SLC11A1: variants seen among roughly 807,000 people sequenced by gnomAD.
The protein encoded by SLC11A1 is natural resistance-associated macrophage protein 1.
Under a neutral mutation model 63.2 loss-of-function variants are expected in SLC11A1, and 59 were observed. That is an observed-to-expected ratio of 0.93 (90% CI 0.76 to 1.16). The LOEUF (loss-of-function observed/expected upper bound fraction) is 1.16. Among genes scored for constraint, SLC11A1 ranks in the 50% most tolerant of loss-of-function variants. The probability of loss-of-function intolerance (pLI) is 0.00; values close to 1 mark genes in which losing one functional copy is unlikely to be tolerated. For synonymous variants in SLC11A1, 305 were observed against 307.8 expected, an observed-to-expected ratio of 0.99 and a Z score of 0.09; for missense variants, 688 against 730.7, an observed-to-expected ratio of 0.94 and a Z score of 0.67.
chr2:218,386,667 G>C lies in SLC11A1; in HGVS notation c.426G>C (p.Glu142Asp). 6.2e-7 allele frequency: 1 copy of C among 1,614,036 alleles called. No homozygotes were observed. The highest frequency in any genetic ancestry group is 8.5e-7 in the Non-Finnish European group (1 of 1,179,998). ...GCACCGTCCTCTGGCTGACCATCGA[G>C]CTAGCCATTGTGGGCTCCGACATGC... ...VPRTVLWLTIELAIVGSDMQE... is the reference protein window; with the variant it reads ...VPRTVLWLTIDLAIVGSDMQE... The change falls in exon 5 of 15, where the codon GAG becomes GAC. Residue 142 changes from glutamate to aspartate, a missense_variant. By Grantham distance (45) the Glu-to-Asp change is conservative (BLOSUM62 2). Coordinates refer to ENST00000233202, the MANE Select transcript of SLC11A1 (RefSeq NM_000578.4).
At chr2:218,389,821 G>C in intron 8 of SLC11A1, 49 bp from the exon 9 acceptor site, 2 of 1,564,074 alleles carry the variant, frequency 1.3e-6, no homozygotes, top group Non-Finnish European at 1.7e-6. Context: ...GGGACACTGT[G>C]GTGGCTCTGA....
At chr2:218,387,093 C>T in intron 5 of SLC11A1, 67 bp from the exon 6 acceptor site, 1 of 1,454,476 alleles carries the variant, frequency 6.9e-7, no homozygotes, top group Non-Finnish European at 9.7e-7. Flanking sequence ...GTCTCCAGCC[C>T]TGAGGCTCCG....
At position 218,387,643 on chromosome 2, in the gene SLC11A1, A is replaced by T; in HGVS notation, c.639+11A>T. 1 of 1,614,028 alleles carries T rather than the reference A, an allele frequency of 6.2e-7. No individual in the cohort carries two copies. The highest frequency in any genetic ancestry group is 1.3e-5 in the African/African-American group (1 of 75,042). On this transcript the variant is annotated intron_variant, in intron 7 of 14. Transcript: ENST00000233202. ...ACCTTTGGCTATGAGGTAGGAAGCC[A>T]GTGCTGCAACCCCACTGTGGACCTC...
rs201444374 is a variant in SLC11A1 at position 218,394,644 on chromosome 2, C to A, written c.1401C>A (p.Val467=). The A allele has an allele frequency of 2.3e-5, 37 of 1,613,730 alleles. No individual in the cohort carries two copies. The Middle Eastern group carries it at 4.9e-4, about 22-fold the overall frequency. The change falls in exon 14 of 15, where the codon GTC becomes GTA. Residue 467 remains valine (V), a synonymous_variant. Coordinates refer to ENST00000233202, the MANE Select transcript of SLC11A1 (RefSeq NM_000578.4). ...TCGTGTCCCCCAGGCTGAACAAGGTCGTCACCTCTTCCATCATGGTGCTAG... is the reference window on the plus strand; with the variant it reads ...TCGTGTCCCCCAGGCTGAACAAGGTAGTCACCTCTTCCATCATGGTGCTAG... ...QEFANGLLNK[V]VTSSIMVLVC...
intron 8 of SLC11A1, among the ~76,000 whole-genome samples, chr2:218,388,573 G>A (rs1696257028): frequency 6.8e-6 from 1 of 147,662 alleles, no homozygotes; most frequent in Admixed American, 6.8e-5. Context: ...GCGGGCGGGC[G>A]GATCACGAGG....
chr2:218,386,643 C>T lies in SLC11A1; in HGVS notation c.402C>T (p.Arg134=), dbSNP rs1696119505. The change falls in exon 5 of 15, where the codon CGC becomes CGT. Residue 134 remains arginine (R), a synonymous_variant. Transcript: ENST00000233202. ...VCHLYYPKVP[R]TVLWLTIELA... ...TCATCTCCTCCCCATAGGTGCCCCG[C>T]ACCGTCCTCTGGCTGACCATCGAGC... 6.2e-7 allele frequency: 1 copy of T among 1,613,290 alleles called. No individual in the cohort carries two copies. Among genetic ancestry groups the T allele is most frequent in the Non-Finnish European group, 8.5e-7 (1 of 1,179,674 alleles).
At chr2:218,386,588 G>T in intron 4 of SLC11A1, 47 bp from the exon 5 acceptor site, 1 of 1,366,804 alleles carries the variant, frequency 7.3e-7, no homozygotes. Context: ...GAGACGACAG[G>T]CAAATAACCG....
intron 1 of SLC11A1, 31 bp from the exon 2 acceptor site, chr2:218,382,929 G>A: frequency 6.2e-7 from 1 of 1,613,788 alleles, no homozygotes; most frequent in South Asian, 1.1e-5. Flanking sequence ...AAAGAGGCAG[G>A]ACACTCACCA....
rs138316650 is a variant in SLC11A1, at chr2:218,394,693, G to A, written c.1450G>A (p.Val484Met). ...AGTCTGCGCCATCAACCTCTACTTC[G>A]TGGTCAGCTATCTGCCCAGCCTGCC... ...VLVCAINLYF[V>M]VSYLPSLPHP... Residue 484 changes from valine (V) to methionine (M), a missense_variant, in exon 14 of 15, where the codon GTG becomes ATG. By Grantham distance (21) the Val-to-Met change is conservative. Coordinates refer to ENST00000233202, the MANE Select transcript of SLC11A1 (RefSeq NM_000578.4). 46 of 1,614,024 alleles carry A rather than the reference G, an allele frequency of 2.9e-5. No homozygotes were observed. The highest frequency in any genetic ancestry group is 2.4e-4 in the African/African-American group (18 of 75,054).
Position 218,396,318 on chromosome 2 carries a change from T to G in SLC11A1, c.*1283T>G, listed in dbSNP as rs1400291905. The G allele has an allele frequency of 6.6e-6, 1 of 152,332 alleles. No homozygotes were observed. Among genetic ancestry groups the G allele is most frequent in the Non-Finnish European group, 1.5e-5 (1 of 68,078 alleles). The allele number at this position is 152,332 out of a possible 1,614,324, so 9.4% of individuals were successfully genotyped here. A position where few individuals can be genotyped will look rare whatever the true frequency, so the allele number is the denominator to read the frequency against. ...TGCACTTTATAGACGTTCCCTAGGC[T>G]GTTTCTAGGCTCCCCCAAGTCCCTC... On this transcript the variant is annotated 3_prime_UTR_variant, in exon 15 of 15. Transcript: ENST00000233202.
chr2:218,385,003 T>G, intron 3 of SLC11A1, 144 bp from the exon 4 acceptor site: 6 of 1,039,666 alleles, frequency 5.8e-6, no homozygotes, highest in Non-Finnish European at 6.9e-6. Flanking sequence ...GATTACAGGG[T>G]GAGCTACCAG....
intron 12 of SLC11A1, 128 bp downstream of exon 12, chr2:218,393,258 C>T: frequency 1.0e-6 from 1 of 982,998 alleles, no homozygotes; most frequent in African/African-American, 1.7e-5. Flanking sequence ...ACAAGGCTTC[C>T]ATTGTCCCCA....
intron 5 of SLC11A1, chr2:218,386,946 A>G (rs1236657143): frequency 4.6e-6 from 3 of 646,850 alleles, no homozygotes; most frequent in African/African-American, 1.8e-5. Flanking sequence ...CTGCAGCCCC[A>G]AACTCCCTGC....
At chr2:218,387,024 C>T (rs1020938240) in intron 5 of SLC11A1, 136 bp from the exon 6 acceptor site, 2 of 806,128 alleles carry the variant, frequency 2.5e-6, no homozygotes, top group Non-Finnish European at 4.3e-6. Context: ...CACTCCCACT[C>T]CCCTTGCCCT....
chr2:218,386,931 T>C, intron 5 of SLC11A1, 190 bp downstream of exon 5: 1 of 650,532 alleles, frequency 1.5e-6, no homozygotes, highest in Admixed American at 2.6e-5. Context: ...TGCAGGACTT[T>C]GGGACTGCAG....
At position 218,387,573 on chromosome 2, in the gene SLC11A1, A is replaced by C. The variant is rs1469171142; in HGVS notation, c.580A>C (p.Lys194Gln). The C allele has an allele frequency of 2.5e-6, 4 of 1,614,016 alleles. 1 individual carries two copies. In the South Asian group the frequency reaches 4.4e-5, roughly 18 times the overall value. Reference sequence around the variant, plus strand: ...TTTGTTCTGCTCCGTAGGGCTGCGGAAGCTGGAAGCTTTTTTTGGACTCCT... The same window carrying C: ...TTTGTTCTGCTCCGTAGGGCTGCGGCAGCTGGAAGCTTTTTTTGGACTCCT... ...FLFLDNYGLR[K>Q]LEAFFGLLIT... The change falls in exon 7 of 15, where the codon AAG (lysine) becomes CAG (glutamine). Residue 194 changes from lysine (K) to glutamine (Q), a missense_variant. By Grantham distance (53) the Lys-to-Gln change is moderately conservative. Coordinates refer to ENST00000233202, the MANE Select transcript of SLC11A1 (RefSeq NM_000578.4).
rs1172197293 is a variant in SLC11A1 at position 218,392,969 on chromosome 2, C to A, written c.1165-12C>A. ...TGTCTACTCCTCACCAAGGAGTTCA[C>A]CCCCACCCCAGGGCTTCCTGAGGCT... On this transcript the variant is annotated splice_polypyrimidine_tract_variant and intron_variant, in intron 11 of 14. Transcript: ENST00000233202. 1.3e-6 allele frequency: 2 copies of A among 1,583,332 alleles called. No individual in the cohort carries two copies. Among genetic ancestry groups the A allele is most frequent in the East Asian group, 2.4e-5 (1 of 41,994 alleles).
At chr2:218,383,372 A>G in intron 2 of SLC11A1, 1 of 466,366 alleles carries the variant, frequency 2.1e-6, no homozygotes, top group Non-Finnish European at 3.9e-6. Flanking sequence ...GGGAATTGGG[A>G]TTGGAGCCTT....
At chr2:218,386,844 C>T in intron 5 of SLC11A1, 103 bp downstream of exon 5, 4 of 854,912 alleles carry the variant, frequency 4.7e-6, no homozygotes, top group Non-Finnish European at 7.8e-6. Flanking sequence ...ATCCTGCTGT[C>T]CCCTCTGAAG....
Sources: allele counts gnomAD v4.1 joint callset (sites outside exome capture counted in the v4.1 genomes callset), GRCh38; gene constraint gnomAD v4.1.1; transcripts MANE v1.5; gene names NCBI Gene and HGNC (gene_info 2026-07-23, HGNC 2026-07-21).